UPP2: variants seen among roughly 807,000 people sequenced by gnomAD.
UPP2 encodes the protein UPase 2.
A neutral mutation model predicts 26.7 loss-of-function variants in UPP2; 23 were observed. The observed-to-expected ratio is 0.86, with a 90% CI of 0.62 to 1.22. The LOEUF is 1.22. Ranked by LOEUF, UPP2 falls within the 50% of genes most tolerant of loss-of-function variation. The pLI, the probability that UPP2 is intolerant of heterozygous loss-of-function variation, is 0.00. For synonymous variants in UPP2, 127 were observed against 141.3 expected (o/e 0.90, Z 0.72); for missense variants, 387 against 396.7 (o/e 0.98, Z 0.21).
intron 3 of UPP2, among the ~76,000 whole-genome samples, chr2:158,032,991 T>C (rs1314090741): frequency 2.0e-5 from 3 of 152,004 alleles, no homozygotes; most frequent in Non-Finnish European, 4.4e-5. Context: ...TTCCTTCTGG[T>C]ATTTACCAGT....
At chr2:158,076,699 T>A (rs962472806) in intron 3 of UPP2, among the ~76,000 whole-genome samples, 3 of 152,014 alleles carry the variant, frequency 2.0e-5, no homozygotes, top group African/African-American at 7.2e-5. Flanking sequence ...TGTGAAAGAC[T>A]CACAGCTAGT....
chr2:158,089,453 C>T (rs571920119), intron 3 of UPP2, among the ~76,000 whole-genome samples: 4 of 152,330 alleles, frequency 2.6e-5, no homozygotes, highest in African/African-American at 9.6e-5. Flanking sequence ...ACCTCCCTGC[C>T]TGCTGCAGTT....
At position 158,134,888 on chromosome 2, in the gene UPP2, T is replaced by G; in HGVS notation, c.952T>G (p.Ter318GluextTer3). ...CAGACGGCGGCTTGGACTTTGTGAC[T>G]AGACGTCCTAACTGGGCAGCCCAAC... is the stretch of plus-strand genomic sequence containing the variant. ...FIRRRLGLCD[*>E] The change falls in exon 7 of 7, where the codon TAG becomes GAG. Residue 318 changes from the stop codon to glutamate, a stop_lost. Coordinates refer to ENST00000005756, the MANE Select transcript of UPP2 (RefSeq NM_173355.4). 1.9e-6 allele frequency: 3 copies of G among 1,612,732 alleles called. No homozygotes were observed. The highest frequency in any genetic ancestry group is 2.5e-6 in the Non-Finnish European group (3 of 1,179,306).
intron 2 of UPP2, among the ~76,000 whole-genome samples, chr2:158,002,121 G>C (rs1224796117): frequency 2.6e-5 from 4 of 152,016 alleles, no homozygotes; most frequent in Non-Finnish European, 5.9e-5. Context: ...GTGCTTACAG[G>C]GGAAGCCAAG....
intron 6 of UPP2, among the ~76,000 whole-genome samples, chr2:158,132,335 G>A (rs537811112): frequency 4.7e-4 from 72 of 152,330 alleles, no homozygotes; most frequent in African/African-American, 1.7e-3. Flanking sequence ...CCATGTGCTA[G>A]CTCAGGGGAG....
chr2:158,086,388 C>T (rs1305204870), intron 3 of UPP2, among the ~76,000 whole-genome samples: 1 of 151,990 alleles, frequency 6.6e-6, no homozygotes, highest in Non-Finnish European at 1.5e-5. Context: ...CTCTTCTTTT[C>T]TTGTTTCATC....
intron 2 of UPP2, among the ~76,000 whole-genome samples, chr2:158,110,733 T>A (rs1683301970): frequency 6.6e-6 from 1 of 152,180 alleles, no homozygotes; most frequent in Non-Finnish European, 1.5e-5. Flanking sequence ...GGTATCTCAT[T>A]GTGGTTTTGA....
intron 2 of UPP2, among the ~76,000 whole-genome samples, chr2:158,112,151 T>C (rs1029020483): frequency 3.3e-5 from 5 of 152,120 alleles, no homozygotes; most frequent in African/African-American, 1.2e-4. Context: ...ATAGCCAAAA[T>C]AGTTTTTACA....
chr2:158,071,122 T>C (rs1249556138), intron 3 of UPP2, among the ~76,000 whole-genome samples: 1 of 152,178 alleles, frequency 6.6e-6, no homozygotes, highest in Admixed American at 6.5e-5. Flanking sequence ...CTGCATTTCC[T>C]AGGCAAGTCC....
rs115015877 is a variant in UPP2 at position 158,024,383 on chromosome 2, G to C, written c.147+8497G>C. 5.8e-3 allele frequency among the ~76,000 whole-genome samples: 885 copies of C among 152,246 alleles called. 5 individuals are homozygous for C. Among genetic ancestry groups the C allele is most frequent in the South Asian group, 0.025 (120 of 4,824 alleles). On this transcript the variant is annotated intron_variant, in intron 3 of 9. Transcript: ENST00000605860. ...GTTGACCTGTAGAGGAGCAGGATTGGGATGTAAACTGCATGGGAAAAGATA... is the reference window on the plus strand; with the variant it reads ...GTTGACCTGTAGAGGAGCAGGATTGCGATGTAAACTGCATGGGAAAAGATA...
At chr2:158,098,180 T>G (rs191322110), upstream of UPP2, among the ~76,000 whole-genome samples, 82 of 152,192 alleles carry the variant, frequency 5.4e-4, no homozygotes, top group African/African-American at 2.0e-3. Flanking sequence ...GAGGGTCTCC[T>G]CTTTTAATTA....
Position 158,101,934 on chromosome 2 carries a change from A to C in UPP2, c.-130A>C. 7.2e-7 allele frequency: 1 copy of C among 1,384,778 alleles called. No individual in the cohort carries two copies. The highest frequency in any genetic ancestry group is 2.7e-5 in the East Asian group (1 of 37,122). 85.8% of individuals were successfully genotyped at this position (1,384,778 alleles called of 1,614,324 possible). A position where few individuals can be genotyped will look rare whatever the true frequency, so the allele number is the denominator to read the frequency against. On this transcript the variant is annotated 5_prime_UTR_variant, in exon 1 of 7. Coordinates refer to ENST00000005756, the MANE Select transcript of UPP2 (RefSeq NM_173355.4). ...TCTTAGCAATTTCACAGGAAAACCTAAGTTTTAAGAGAGGTTATCATTCTG... is the reference window on the plus strand; with the variant it reads ...TCTTAGCAATTTCACAGGAAAACCTCAGTTTTAAGAGAGGTTATCATTCTG...
chr2:157,995,319 CA>C, intron 2 of UPP2: 1 of 1,561,378 alleles, frequency 6.4e-7, no homozygotes, highest in Non-Finnish European at 8.8e-7. Context: ...GGTCATATTC[CA>C]AGTCTCAGTA....
chr2:158,052,716 T>A (rs1172300743), intron 3 of UPP2, among the ~76,000 whole-genome samples: 3 of 152,232 alleles, frequency 2.0e-5, no homozygotes, highest in African/African-American at 7.2e-5. Context: ...GTGGCTTGTC[T>A]TCTTCACTGT....
intron 6 of UPP2, among the ~76,000 whole-genome samples, chr2:158,125,443 A>C (rs532691462): frequency 1.0e-4 from 15 of 149,678 alleles, no homozygotes; most frequent in African/African-American, 3.7e-4. Flanking sequence ...TTTGAGACAG[A>C]GTCTCCCTCT....
intron 3 of UPP2, among the ~76,000 whole-genome samples, chr2:158,031,388 G>A (rs1034704419): frequency 9.2e-5 from 14 of 152,292 alleles, no homozygotes; most frequent in African/African-American, 2.4e-4. Flanking sequence ...GAGGGACTTG[G>A]AGAAAAGGAA....
At chr2:158,080,934 G>A (rs997743891) in intron 3 of UPP2, among the ~76,000 whole-genome samples, 1 of 152,078 alleles carries the variant, frequency 6.6e-6, no homozygotes, top group African/African-American at 2.4e-5. Context: ...CCACGTTGCA[G>A]TATTTTAAAA....
chr2:158,090,627 C>CT (rs1282950346), intron 3 of UPP2, among the ~76,000 whole-genome samples: 1 of 152,070 alleles, frequency 6.6e-6, no homozygotes, highest in African/African-American at 2.4e-5. Flanking sequence ...TAATTTTTTG[C>CT]AATATTATTT....
At chr2:158,030,654 T>C in intron 3 of UPP2, among the ~76,000 whole-genome samples, 1 of 152,196 alleles carries the variant, frequency 6.6e-6, no homozygotes, top group East Asian at 1.9e-4. Flanking sequence ...AGCTACTGTC[T>C]TTCAAAATAC....
Sources: allele counts gnomAD v4.1 joint callset (sites outside exome capture counted in the v4.1 genomes callset), GRCh38; gene constraint gnomAD v4.1.1; transcripts MANE v1.5; gene names NCBI Gene and HGNC (gene_info 2026-07-23, HGNC 2026-07-21).